KLRF1: variants seen among roughly 807,000 people sequenced by gnomAD.
KLRF1 encodes killer cell lectin like receptor F1.
Under a neutral mutation model 30.7 loss-of-function variants are expected in KLRF1, and 27 were observed. The observed-to-expected ratio is 0.88, with a 90% CI of 0.65 to 1.21. KLRF1 has a LOEUF of 1.21. Among genes scored for constraint, KLRF1 ranks in the 50% most tolerant of loss-of-function variants. The pLI is 0.00. For synonymous variants in KLRF1, 92 were observed against 89.3 expected, an observed-to-expected ratio of 1.03 and a Z score of -0.17; for missense variants, 246 against 259.3, an observed-to-expected ratio of 0.95 and a Z score of 0.35.
chr12:9,842,216 T>A, intron 4 of KLRF1, 105 bp from the exon 5 acceptor site: 1 of 1,179,112 alleles, frequency 8.5e-7, no homozygotes, highest in Non-Finnish European at 1.2e-6. Flanking sequence ...TTGATTACCA[T>A]AAGAATCCCT....
chr12:9,843,042 G>C (rs1035268372), intron 5 of KLRF1, among the ~76,000 whole-genome samples: 17 of 152,272 alleles, frequency 1.1e-4, no homozygotes, highest in African/African-American at 4.1e-4. Context: ...TATGGCAAAA[G>C]AGCCTTTGCA....
chr12:9,805,709 C>G, the KLRF1 span, among the ~76,000 whole-genome samples: 1 of 151,940 alleles, frequency 6.6e-6, no homozygotes, highest in Non-Finnish European at 1.5e-5. Context: ...TTTTATATTT[C>G]TATGTGGTTT....
intron 3 of KLRF1, among the ~76,000 whole-genome samples, chr12:9,840,127 T>C (rs1253033146): frequency 2.6e-5 from 4 of 152,140 alleles, no homozygotes; most frequent in African/African-American, 7.2e-5. Flanking sequence ...TATGATTCCA[T>C]TTATATGAAA....
At chr12:9,823,541 G>T (rs1198666913), upstream of KLRF1, among the ~76,000 whole-genome samples, 4 of 152,046 alleles carry the variant, frequency 2.6e-5, no homozygotes, top group African/African-American at 7.2e-5. Context: ...AAGTTAGAAA[G>T]ATCTCAAATT....
the KLRF1 span, among the ~76,000 whole-genome samples, chr12:9,801,423 A>T: frequency 1.3e-5 from 2 of 152,068 alleles, no homozygotes; most frequent in Non-Finnish European, 2.9e-5. Context: ...GAATCACCAC[A>T]CTGTCTTCTA....
chr12:9,832,202 A>G, intron 1 of KLRF1, 114 bp from the exon 2 acceptor site: 1 of 567,054 alleles, frequency 1.8e-6, no homozygotes, highest in East Asian at 2.8e-5. Context: ...TTGATTGCCT[A>G]ATATCTTTTG....
In KLRF1 at chr12:9,832,275, A is replaced by G. The variant is rs764747786; in HGVS notation, c.86-41A>G. 3.7e-6 allele frequency: 4 copies of G among 1,082,634 alleles called. No homozygotes were observed. In the African/African-American group the frequency reaches 4.7e-5, roughly 13 times the overall value. 67.1% of individuals were successfully genotyped at this position (1,082,634 alleles called of 1,614,324 possible). A position where few individuals can be genotyped will look rare whatever the true frequency, so the allele number is the denominator to read the frequency against. On this transcript the variant is annotated intron_variant, in intron 1 of 5. Coordinates refer to ENST00000617889, the MANE Select transcript of KLRF1 (RefSeq NM_016523.3). ...AATTGCTATTGTATTACTTCCTGGAAGCATACTTTTCTAAACTAATTCATG... is the reference window on the plus strand; with the variant it reads ...AATTGCTATTGTATTACTTCCTGGAGGCATACTTTTCTAAACTAATTCATG...
intron 1 of KLRF1, among the ~76,000 whole-genome samples, chr12:9,831,844 A>G (rs1389633331): frequency 6.6e-6 from 1 of 152,194 alleles, no homozygotes; most frequent in Non-Finnish European, 1.5e-5. Flanking sequence ...TTTTTTGATT[A>G]AAATAGCAGG....
chr12:9,835,288 G>C (rs1284549491), intron 3 of KLRF1, among the ~76,000 whole-genome samples: 6 of 152,072 alleles, frequency 3.9e-5, no homozygotes, highest in Admixed American at 3.3e-4. Context: ...GAGATGCAAA[G>C]TAAAAAGATG....
At chr12:9,841,435 C>A (rs1867698746) in intron 3 of KLRF1, among the ~76,000 whole-genome samples, 3 of 151,986 alleles carry the variant, frequency 2.0e-5, no homozygotes, top group Admixed American at 1.3e-4. Context: ...ATGTAACAAA[C>A]CTGCACGTAT....
intron 3 of KLRF1, among the ~76,000 whole-genome samples, chr12:9,837,124 C>G (rs1276019685): frequency 6.6e-6 from 1 of 152,020 alleles, no homozygotes; most frequent in East Asian, 1.9e-4. Flanking sequence ...TCTCCATTCT[C>G]TCTCCCCTTA....
At chr12:9,812,122 T>C in the KLRF1 span, among the ~76,000 whole-genome samples, 3 of 152,066 alleles carry the variant, frequency 2.0e-5, no homozygotes, top group Admixed American at 1.3e-4. Context: ...TCCCAGCACG[T>C]TGGGAGGCCG....
intron 1 of KLRF1, among the ~76,000 whole-genome samples, chr12:9,828,411 A>G (rs116064472): frequency 6.6e-6 from 1 of 151,206 alleles, no homozygotes; most frequent in Non-Finnish European, 1.5e-5. Context: ...CAACTTCTCA[A>G]AAACTTTATG....
chr12:9,815,069 C>T, the KLRF1 span, among the ~76,000 whole-genome samples: 1 of 151,746 alleles, frequency 6.6e-6, no homozygotes, highest in African/African-American at 2.4e-5. Context: ...ATTACACAAC[C>T]GATGCATGTA....
At chr12:9,818,403 C>A in the KLRF1 span, among the ~76,000 whole-genome samples, 1 of 152,212 alleles carries the variant, frequency 6.6e-6, no homozygotes, top group Admixed American at 6.5e-5. Flanking sequence ...AGCAACTGGG[C>A]AAGTAACTTC....
intron 1 of KLRF1, among the ~76,000 whole-genome samples, chr12:9,828,105 G>A (rs1398444699): frequency 2.0e-5 from 3 of 151,258 alleles, no homozygotes; most frequent in Non-Finnish European, 4.4e-5. Context: ...TTGAGACGGA[G>A]TTTCACTGTT....
intron 1 of KLRF1, among the ~76,000 whole-genome samples, chr12:9,830,448 G>T (rs1484963213): frequency 6.6e-6 from 1 of 151,978 alleles, no homozygotes; most frequent in Non-Finnish European, 1.5e-5. Flanking sequence ...GTATTAAAAA[G>T]TAGTGGAGAT....
intron 5 of KLRF1, among the ~76,000 whole-genome samples, chr12:9,842,719 G>A (rs1271396209): frequency 6.6e-6 from 1 of 151,928 alleles, no homozygotes; most frequent in Non-Finnish European, 1.5e-5. Flanking sequence ...GTTTTCTTTA[G>A]CCATCTTCAG....
chr12:9,839,889 T>C (rs1867665061), intron 3 of KLRF1, among the ~76,000 whole-genome samples: 1 of 152,144 alleles, frequency 6.6e-6, no homozygotes, highest in Non-Finnish European at 1.5e-5. Flanking sequence ...TACAAAAATT[T>C]GTACATGAAT....
Sources: gnomAD v4.1 joint callset for allele counts (sites outside exome capture counted in the v4.1 genomes callset) on GRCh38, gnomAD v4.1.1 for gene constraint, MANE v1.5 for transcripts, NCBI Gene and HGNC (gene_info 2026-07-23, HGNC 2026-07-21) for gene names.